The following AFDN variants were observed in gnomAD, a reference collection of about 807,000 sequenced individuals.
AFDN encodes the protein afadin, adherens junction formation factor.
Under a neutral mutation model 216.6 loss-of-function variants are expected in AFDN, and 68 were observed. That is an observed-to-expected ratio of 0.31 (90% CI 0.26 to 0.38). AFDN has a LOEUF of 0.38. Among genes scored for constraint, AFDN ranks in the 10% least tolerant of loss-of-function variants. The pLI is 1.00. For synonymous variants in AFDN, 868 were observed against 853.7 expected, an observed-to-expected ratio of 1.02 and a Z score of -0.29; for missense variants, 2,136 against 2,342.0, an observed-to-expected ratio of 0.91 and a Z score of 1.82.
intron 1 of AFDN, among the ~76,000 whole-genome samples, chr6:167,839,146 T>C (rs2128121416): frequency 6.6e-6 from 1 of 152,346 alleles, no homozygotes. Context: ...TCAGTAATGT[T>C]AACATTTTAT....
At position 167,943,823 on chromosome 6, in the gene AFDN, C is replaced by G. The variant is rs189634757; in HGVS notation, c.3240-118C>G. On this transcript the variant is annotated intron_variant, in intron 25 of 33. Coordinates refer to ENST00000683244, the MANE Select transcript of AFDN (RefSeq NM_001386888.1). The stretch of plus-strand genomic sequence containing the variant: ...AGCTGTCTGGAAGTCAGAACCATTA[C>G]TCAAAATAATAGATGAAGCTGTGTA... 2.7e-4 allele frequency: 242 copies of G among 892,422 alleles called. No homozygotes were observed. The East Asian group carries it at 5.8e-3, about 21-fold the overall frequency. The allele number at this position is 892,422 out of a possible 1,614,324, so 55.3% of individuals were successfully genotyped here.
chr6:167,918,869 T>A lies in AFDN; in HGVS notation c.2844T>A (p.Ser948=). 6.2e-7 allele frequency: 1 copy of A among 1,613,852 alleles called. No homozygotes were observed. Among genetic ancestry groups the A allele is most frequent in the Non-Finnish European group, 8.5e-7 (1 of 1,179,904 alleles). ...TTCTTTTGCCAGAAGATGGTTATTC[T>A]TGTGATGTTGTCAGAAACATTCCAA... is the stretch of plus-strand genomic sequence containing the variant. ...LPFLLPEDGY[S]CDVVRNIPNG... The change falls in exon 21 of 34, where the codon TCT becomes TCA. Residue 948 remains serine, a synonymous_variant. Coordinates refer to ENST00000683244, the MANE Select transcript of AFDN (RefSeq NM_001386888.1).
At chr6:167,827,708 T>G (rs1779321657) in intron 1 of AFDN, 1 of 151,926 alleles carries the variant, frequency 6.6e-6, no homozygotes, top group African/African-American at 2.4e-5. Context: ...TTCATAAACT[T>G]GCAGGCTGCC....
chr6:167,905,939 G>A (rs375921694), intron 12 of AFDN, among the ~76,000 whole-genome samples: 1 of 152,012 alleles, frequency 6.6e-6, no homozygotes, highest in Non-Finnish European at 1.5e-5. Context: ...CCCTGTCTCT[G>A]CTAAAAATGC....
intron 19 of AFDN, 120 bp downstream of exon 19, chr6:167,915,553 T>G: frequency 2.5e-6 from 3 of 1,204,558 alleles, no homozygotes; most frequent in Non-Finnish European, 3.4e-6. Context: ...GTTTTTCGTA[T>G]GTACAAATAA....
At chr6:167,836,954 C>T (rs1780510792) in intron 1 of AFDN, among the ~76,000 whole-genome samples, 1 of 152,102 alleles carries the variant, frequency 6.6e-6, no homozygotes, top group South Asian at 2.1e-4. Context: ...ATGTTTATGA[C>T]CTCGAATATT....
intron 10 of AFDN, among the ~76,000 whole-genome samples, chr6:167,897,567 A>G (rs1045168740): frequency 6.6e-6 from 1 of 151,172 alleles, no homozygotes; most frequent in African/African-American, 2.4e-5. Context: ...TAATAATAGG[A>G]ATCTTTAATG....
intron 1 of AFDN, among the ~76,000 whole-genome samples, chr6:167,839,601 G>C (rs1160771689): frequency 1.3e-5 from 2 of 152,126 alleles, no homozygotes; most frequent in African/African-American, 4.8e-5. Flanking sequence ...GCGGTAACTG[G>C]CACTGAGATC....
chr6:167,899,665 A>G (rs2128394445), intron 11 of AFDN, among the ~76,000 whole-genome samples: 1 of 152,282 alleles, frequency 6.6e-6, no homozygotes, highest in Non-Finnish European at 1.5e-5. Context: ...TTGATCTGGT[A>G]TATCCTGACT....
chr6:167,835,407 T>A (rs910591115), intron 1 of AFDN, among the ~76,000 whole-genome samples: 1 of 152,258 alleles, frequency 6.6e-6, no homozygotes, highest in Non-Finnish European at 1.5e-5. Flanking sequence ...AAGAAGTGAC[T>A]AATTCAATTC....
At chr6:167,910,806 C>T (rs908531082) in intron 13 of AFDN, among the ~76,000 whole-genome samples, 3 of 152,108 alleles carry the variant, frequency 2.0e-5, no homozygotes, top group African/African-American at 4.8e-5. Context: ...CAAGACAGAC[C>T]GATCCCTGTA....
chr6:167,959,757 G>T (rs919370561), intron 30 of AFDN, among the ~76,000 whole-genome samples: 1 of 152,176 alleles, frequency 6.6e-6, no homozygotes, highest in East Asian at 1.9e-4. Context: ...GGGGAATGTG[G>T]ACTACCCATA....
chr6:167,932,787 G>C (rs73034964), intron 23 of AFDN: 4 of 152,096 alleles, frequency 2.6e-5, no homozygotes, highest in Non-Finnish European at 5.9e-5. Flanking sequence ...GGCAGTTGCC[G>C]GTGTTCTCGT....
intron 31 of AFDN, chr6:167,963,703 C>T (rs1797259664): frequency 1.9e-6 from 2 of 1,061,032 alleles, no homozygotes; most frequent in African/African-American, 3.3e-5. Flanking sequence ...TGAATCTGAA[C>T]AGCATTTGAA....
rs540265332 is a variant in AFDN at position 167,952,115 on chromosome 6, CGAG to C, written c.4773_4775del (p.Glu1591del). 2.0e-5 allele frequency: 32 copies of C among 1,613,916 alleles called. No homozygotes were observed. Among genetic ancestry groups the C allele is most frequent in the African/African-American group, 1.1e-4 (8 of 74,890 alleles). ...AGTCGAAGCAGAAGGACGAAGATGA[CGAG>C]GAGGAGGAGGACGATGATGTGGACA... On this transcript the variant is annotated inframe_deletion, in exon 30 of 34. Coordinates refer to ENST00000683244, the MANE Select transcript of AFDN (RefSeq NM_001386888.1).
intron 23 of AFDN, 91 bp downstream of exon 23, chr6:167,925,182 C>T: frequency 1.1e-6 from 1 of 889,760 alleles, no homozygotes; most frequent in South Asian, 1.4e-5. Context: ...GAGTACTTTA[C>T]CACCTGTGTA....
rs531070664 is a variant in AFDN, at chr6:167,888,640, A to G, written c.898-575A>G. 7.9e-4 allele frequency among the ~76,000 whole-genome samples: 120 copies of G among 152,350 alleles called. 1 individual carries two copies. The highest frequency in any genetic ancestry group is 1.4e-3 in the Non-Finnish European group (97 of 68,026). On this transcript the variant is annotated intron_variant, in intron 6 of 33. Coordinates refer to ENST00000683244, the MANE Select transcript of AFDN (RefSeq NM_001386888.1). ...TACAGCATTATGAATTAGGAGTTCA[A>G]TGAATACAGTATATTGAAACAGGTG...
At chr6:167,870,361 T>C (rs1250291569) in intron 2 of AFDN, 25 bp from the exon 3 acceptor site, 1 of 1,450,342 alleles carries the variant, frequency 6.9e-7, no homozygotes, top group Non-Finnish European at 9.6e-7. Flanking sequence ...GCTTATTCTT[T>C]TTTTCATTTC....
At chr6:167,919,065 C>G in intron 21 of AFDN, 132 bp downstream of exon 21, 2 of 733,046 alleles carry the variant, frequency 2.7e-6, no homozygotes, top group Admixed American at 2.5e-5. Flanking sequence ...AGTCCGTGTT[C>G]CACTGACTTG....
Sources: gnomAD v4.1 joint callset for allele counts (sites outside exome capture counted in the v4.1 genomes callset) on GRCh38, gnomAD v4.1.1 for gene constraint, MANE v1.5 for transcripts, NCBI Gene and HGNC (gene_info 2026-07-23, HGNC 2026-07-21) for gene names.